Variants in MSRA observed in about 807,000 individuals in gnomAD.
MSRA encodes methionine sulfoxide reductase A.
Under a neutral mutation model 31.3 loss-of-function variants are expected in MSRA, and 54 were observed. The observed-to-expected ratio is 1.73, with a 90% CI of 1.39 to 2.17. MSRA has a LOEUF of 2.17. MSRA is among the 30% of genes most tolerant of loss of function. MSRA has a pLI of 0.00. For synonymous variants in MSRA, 169 were observed against 116.5 expected, an observed-to-expected ratio of 1.45 and a Z score of -2.90; for missense variants, 507 against 300.9, an observed-to-expected ratio of 1.69 and a Z score of -5.07.
At chr8:10,151,357 C>T (rs1270448419) in intron 1 of MSRA, among the ~76,000 whole-genome samples, 3 of 151,136 alleles carry the variant, frequency 2.0e-5, no homozygotes, top group Admixed American at 1.3e-4. Flanking sequence ...AAATAGAGAA[C>T]AGCAGGCCGG....
chr8:10,407,466 T>C (rs974130167), intron 5 of MSRA, among the ~76,000 whole-genome samples: 1 of 152,224 alleles, frequency 6.6e-6, no homozygotes, highest in Admixed American at 6.5e-5. Context: ...TGTCAAGCTT[T>C]GCTTTACAAT....
At chr8:10,181,120 T>C (rs1431445932) in intron 1 of MSRA, among the ~76,000 whole-genome samples, 1 of 152,194 alleles carries the variant, frequency 6.6e-6, no homozygotes, top group Non-Finnish European at 1.5e-5. Flanking sequence ...TAAATACTTG[T>C]CCGCAGATGG....
chr8:10,310,933 C>G (rs1801400486), intron 4 of MSRA, among the ~76,000 whole-genome samples: 2 of 152,104 alleles, frequency 1.3e-5, no homozygotes, highest in Admixed American at 6.5e-5. Context: ...ATGAAGAAGT[C>G]CAAATAATCA....
chr8:10,256,204 C>T (rs1798170175), intron 3 of MSRA, among the ~76,000 whole-genome samples: 1 of 152,172 alleles, frequency 6.6e-6, no homozygotes, highest in Admixed American at 6.5e-5. Flanking sequence ...TTCAGAATGT[C>T]ATTGAGTTGA....
chr8:10,358,488 C>G (rs529332432), intron 5 of MSRA, among the ~76,000 whole-genome samples: 1 of 145,254 alleles, frequency 6.9e-6, no homozygotes, highest in African/African-American at 2.5e-5. Flanking sequence ...TGTTAGGAAC[C>G]TGGTTGCACA....
Position 10,231,458 on chromosome 8 carries a change from G to A in MSRA, c.212-13646G>A, listed in dbSNP as rs1811465956. Among the ~76,000 whole-genome samples, 2 of 152,152 alleles carry A rather than the reference G, an allele frequency of 1.3e-5. 1 individual carries two copies. Among genetic ancestry groups the A allele is most frequent in the South Asian group, 4.1e-4 (2 of 4,824 alleles). ...TGTATTGAATTTCACGTGTCAGGGAGCCCCCCAGGTGGGGATCCCCAGCAA... is the reference window on the plus strand; with the variant it reads ...TGTATTGAATTTCACGTGTCAGGGAACCCCCCAGGTGGGGATCCCCAGCAA... On this transcript the variant is annotated intron_variant, in intron 2 of 5. Coordinates refer to ENST00000317173, the MANE Select transcript of MSRA (RefSeq NM_012331.5).
rs548107769 is a variant in MSRA, at chr8:10,063,424, T to G, written c.142+8766T>G. 6.4e-4 allele frequency among the ~76,000 whole-genome samples: 97 copies of G among 152,332 alleles called. No homozygotes were observed. In the South Asian group the frequency reaches 9.9e-3, roughly 16 times the overall value. Reference sequence around the variant, plus strand: ...CTTCAATGCTGGACACTTGCTGTAATTTGCTGCTGGCCTCAGTGTTTCAGA... The same window carrying G: ...CTTCAATGCTGGACACTTGCTGTAAGTTGCTGCTGGCCTCAGTGTTTCAGA... On this transcript the variant is annotated intron_variant, in intron 1 of 5. Coordinates refer to ENST00000317173, the MANE Select transcript of MSRA (RefSeq NM_012331.5).
chr8:10,321,001 T>A (rs6601436), intron 5 of MSRA, among the ~76,000 whole-genome samples: 122,207 of 152,228 alleles, frequency 0.8, 49,580 homozygotes, highest in East Asian at 1. Flanking sequence ...CCAACATATC[T>A]TTTGGAGGGA....
chr8:10,153,555 G>A (rs993362629), intron 1 of MSRA, among the ~76,000 whole-genome samples: 6 of 152,110 alleles, frequency 3.9e-5, no homozygotes, highest in African/African-American at 1.4e-4. Flanking sequence ...AGTGGCATAA[G>A]GTCACTGGGT....
intron 1 of MSRA, among the ~76,000 whole-genome samples, chr8:10,106,778 G>T (rs1195157504): frequency 6.6e-6 from 1 of 151,994 alleles, no homozygotes; most frequent in East Asian, 1.9e-4. Context: ...ACACCCTTGG[G>T]AATGTGTCCT....
At chr8:10,311,720 C>G (rs1210143535) in intron 4 of MSRA, among the ~76,000 whole-genome samples, 1 of 152,118 alleles carries the variant, frequency 6.6e-6, no homozygotes, top group East Asian at 1.9e-4. Context: ...CAGGACCAGT[C>G]TGGGTGACAT....
intron 1 of MSRA, among the ~76,000 whole-genome samples, chr8:10,188,895 AT>A (rs1323005860): frequency 6.6e-6 from 1 of 152,224 alleles, no homozygotes; most frequent in Non-Finnish European, 1.5e-5. Context: ...CAATTCATCA[AT>A]GTCTACAAAA....
chr8:10,058,090 T>G (rs1236407370), intron 1 of MSRA, among the ~76,000 whole-genome samples: 1 of 152,262 alleles, frequency 6.6e-6, no homozygotes, highest in Non-Finnish European at 1.5e-5. Context: ...TTTCTTGCGT[T>G]TACATTCTTA....
At chr8:10,081,450 G>T (rs1010591934) in intron 1 of MSRA, among the ~76,000 whole-genome samples, 6 of 151,990 alleles carry the variant, frequency 3.9e-5, no homozygotes, top group Non-Finnish European at 8.8e-5. Context: ...CAAGGTTCGG[G>T]CATCTCCAGA....
intron 5 of MSRA, among the ~76,000 whole-genome samples, chr8:10,416,012 T>C (rs1361742063): frequency 6.6e-6 from 1 of 152,096 alleles, no homozygotes; most frequent in Non-Finnish European, 1.5e-5. Flanking sequence ...ATTCTGACCC[T>C]CTGGGTGGGG....
At chr8:10,135,649 C>T (rs189398176) in intron 1 of MSRA, among the ~76,000 whole-genome samples, 1 of 152,156 alleles carries the variant, frequency 6.6e-6, no homozygotes, top group Non-Finnish European at 1.5e-5. Flanking sequence ...ATGAAAGCAA[C>T]ATTCTGTGCA....
At chr8:10,360,916 G>A (rs1229256953) in intron 5 of MSRA, among the ~76,000 whole-genome samples, 2 of 152,154 alleles carry the variant, frequency 1.3e-5, no homozygotes, top group Non-Finnish European at 2.9e-5. Context: ...ACATACTTGG[G>A]CAAGCCTGTG....
rs189456919 is a variant in MSRA, at chr8:10,260,823, A to C, written c.331+15600A>C. Among the ~76,000 whole-genome samples, 532 of 152,314 alleles carry C rather than the reference A, an allele frequency of 3.5e-3. 4 individuals carry two copies. Among genetic ancestry groups the C allele is most frequent in the African/African-American group, 0.012 (510 of 41,574 alleles). ...ATTCATCTTTGTAAGACCTGACTTT[A>C]ATTATGTCACTTCTGAATGTTGTAA... On this transcript the variant is annotated intron_variant, in intron 3 of 5. Transcript: ENST00000317173.
intron 1 of MSRA, among the ~76,000 whole-genome samples, chr8:10,146,015 A>C (rs1033917664): frequency 2.0e-5 from 3 of 152,192 alleles, no homozygotes; most frequent in Non-Finnish European, 4.4e-5. Context: ...ATATTTATGT[A>C]TTTGGAGTAT....
Sources: gnomAD v4.1 joint callset for allele counts (sites outside exome capture counted in the v4.1 genomes callset) on GRCh38, gnomAD v4.1.1 for gene constraint, MANE v1.5 for transcripts, NCBI Gene and HGNC (gene_info 2026-07-23, HGNC 2026-07-21) for gene names.